DMD: variants seen among roughly 807,000 people sequenced by gnomAD.
DMD encodes the protein mutant dystrophin.
In DMD, 63 loss-of-function variants were observed where a neutral mutation model predicts 330.1. That is an observed-to-expected ratio of 0.19 (90% CI 0.16 to 0.24). The LOEUF is 0.24. DMD is among the 10% of genes least tolerant of loss of function. The probability of loss-of-function intolerance (pLI) is 1.00; values close to 1 mark genes in which losing one functional copy is unlikely to be tolerated. For synonymous variants in DMD, 1,223 were observed against 959.8 expected (o/e 1.27, Z -5.07); for missense variants, 3,344 against 2,684.1 (o/e 1.25, Z -5.43).
chrX:33,203,982 C>T (rs2051422877), intron 1 of DMD, among the ~76,000 whole-genome samples: 2 of 111,122 alleles, frequency 1.8e-5, no homozygotes, highest in African/African-American at 6.5e-5. Context: ...CCTATTGATT[C>T]TATCTCATAT....
chrX:32,760,626 TATGA>T (rs895577168), intron 7 of DMD, among the ~76,000 whole-genome samples: 2 of 111,981 alleles, frequency 1.8e-5, no homozygotes, highest in African/African-American at 6.5e-5. Context: ...GAAAATAACT[TATGA>T]ATTATGGTTG....
intron 76 of DMD, among the ~76,000 whole-genome samples, chrX:31,142,387 T>C (rs1226293037): frequency 1.8e-5 from 2 of 111,752 alleles, no homozygotes; most frequent in Non-Finnish European, 3.8e-5. Context: ...TATAAACATA[T>C]ACAGTATATA....
chrX:31,916,337 C>G (rs1237577776), intron 47 of DMD, among the ~76,000 whole-genome samples: 1 of 112,100 alleles, frequency 8.9e-6, no homozygotes, highest in Non-Finnish European at 1.9e-5. Context: ...AAATTTTACA[C>G]TATTGGAGTT....
At chrX:32,779,520 AG>A (rs1185770127) in intron 7 of DMD, among the ~76,000 whole-genome samples, 1 of 109,934 alleles carries the variant, frequency 9.1e-6, no homozygotes, top group African/African-American at 3.3e-5. Flanking sequence ...TAGATTTTAC[AG>A]ATGTTCCCCC....
Position 32,550,704 on chromosome X carries a change from T to C in DMD, c.1993-5370A>G, listed in dbSNP as rs183101902. 5.7e-3 allele frequency among the ~76,000 whole-genome samples: 624 copies of C among 109,805 alleles called. 2 individuals carry two copies. The highest frequency in any genetic ancestry group is 0.015 in the South Asian group (38 of 2,553). On this transcript the variant is annotated intron_variant, in intron 16 of 78. Coordinates refer to ENST00000357033, the MANE Select transcript of DMD (RefSeq NM_004006.3). The stretch of plus-strand genomic sequence containing the variant: ...TCAATGAATCTAGGAGCTGTTTCTT[T>C]GAAATAATTAATAATAAAGATAGAC...
At chrX:32,044,927 A>G (rs1239110198) in intron 44 of DMD, among the ~76,000 whole-genome samples, 1 of 111,783 alleles carries the variant, frequency 8.9e-6, no homozygotes, top group Non-Finnish European at 1.9e-5. Context: ...GAGCCCTGAT[A>G]TAGTTTGGAT....
chrX:32,417,486 A>G (rs2098170528), intron 29 of DMD, among the ~76,000 whole-genome samples: 1 of 111,383 alleles, frequency 9.0e-6, no homozygotes, highest in Non-Finnish European at 1.9e-5. Context: ...TCTGCTTCTG[A>G]AGATGTCTGC....
intron 43 of DMD, among the ~76,000 whole-genome samples, chrX:32,225,621 G>A (rs1013286035): frequency 9.0e-6 from 1 of 111,012 alleles, no homozygotes; most frequent in Non-Finnish European, 1.9e-5. Flanking sequence ...GGATCATCAG[G>A]GTGGTTTCTC....
intron 45 of DMD, among the ~76,000 whole-genome samples, chrX:31,934,776 A>AAAT (rs777771732): frequency 3.6e-5 from 4 of 112,063 alleles, no homozygotes; most frequent in Non-Finnish European, 7.5e-5. Context: ...GGAAAGCTGG[A>AAAT]AATAAGGACT....
intron 46 of DMD, among the ~76,000 whole-genome samples, chrX:31,931,648 C>A (rs1462991865): frequency 9.0e-6 from 1 of 111,054 alleles, no homozygotes; most frequent in Non-Finnish European, 1.9e-5. Flanking sequence ...AGGTAGGTAA[C>A]CAGGACAGAT....
intron 60 of DMD, among the ~76,000 whole-genome samples, chrX:31,425,020 TTCTC>T (rs933372677): frequency 8.9e-5 from 10 of 112,240 alleles, no homozygotes; most frequent in African/African-American, 3.2e-4. Context: ...ATATATAGTT[TTCTC>T]TCTATGTTGG....
intron 56 of DMD, among the ~76,000 whole-genome samples, chrX:31,503,267 T>C (rs982944424): frequency 1.8e-5 from 2 of 112,407 alleles, no homozygotes; most frequent in African/African-American, 3.2e-5. Flanking sequence ...TAAAGTGTGA[T>C]TGCAGAACTA....
intron 55 of DMD, among the ~76,000 whole-genome samples, chrX:31,558,522 T>C (rs2074989774): frequency 9.0e-6 from 1 of 111,397 alleles, no homozygotes; most frequent in Non-Finnish European, 1.9e-5. Context: ...AGCAAGGTGA[T>C]GCTCTTTTAA....
chrX:32,670,335 T>C (rs1055179770), intron 9 of DMD, among the ~76,000 whole-genome samples: 2 of 111,965 alleles, frequency 1.8e-5, no homozygotes, highest in South Asian at 7.4e-4. Flanking sequence ...GACACTATTA[T>C]GTATATTTTA....
At chrX:31,209,414 G>T in intron 65 of DMD, 84 bp downstream of exon 65, 1 of 954,204 alleles carries the variant, frequency 1.0e-6, no homozygotes, top group Non-Finnish European at 1.5e-6. Flanking sequence ...CCAGGGCCCT[G>T]TTGTAATGCT....
intron 77 of DMD, among the ~76,000 whole-genome samples, chrX:31,129,179 AT>A (rs1569303271): frequency 9.0e-6 from 1 of 111,390 alleles, no homozygotes; most frequent in East Asian, 2.8e-4. Flanking sequence ...ATTGTAATTC[AT>A]TATTTTAGAG....
intron 13 of DMD, among the ~76,000 whole-genome samples, chrX:32,591,506 T>G (rs1164848917): frequency 8.9e-6 from 1 of 112,247 alleles, no homozygotes; most frequent in Non-Finnish European, 1.9e-5. Flanking sequence ...ATAGTCTTTT[T>G]TCATGCAAGT....
At chrX:31,872,147 G>A (rs16989896) in intron 48 of DMD, among the ~76,000 whole-genome samples, 17,182 of 107,364 alleles carry the variant, frequency 0.16, 1,371 homozygotes, top group African/African-American at 0.28. Flanking sequence ...TATTTTTGAA[G>A]TCTGCACTCC....
chrX:33,000,067 T>C (rs1450932140), intron 2 of DMD, among the ~76,000 whole-genome samples: 1 of 112,420 alleles, frequency 8.9e-6, no homozygotes, highest in Non-Finnish European at 1.9e-5. Context: ...GAATTCCATA[T>C]CAGTTTATAA....
Sources: gnomAD v4.1 joint callset for allele counts (sites outside exome capture counted in the v4.1 genomes callset) on GRCh38, gnomAD v4.1.1 for gene constraint, MANE v1.5 for transcripts, NCBI Gene and HGNC (gene_info 2026-07-23, HGNC 2026-07-21) for gene names.